Variants in GPR176 observed in about 807,000 individuals in gnomAD.
GPR176 encodes G-protein coupled receptor 176.
In GPR176, 26 loss-of-function variants were observed where a neutral mutation model predicts 35.4. The ratio of observed to expected loss-of-function variants is 0.74; its 90% CI spans 0.54 to 1.02. The LOEUF (loss-of-function observed/expected upper bound fraction) is 1.02. GPR176 is among the 50% of genes least tolerant of loss of function. GPR176 has a pLI of 0.00. For missense variants in GPR176, 597 were observed against 665.3 expected, an observed-to-expected ratio of 0.90 and a Z score of 1.13; for synonymous variants, 278 against 271.3, an observed-to-expected ratio of 1.02 and a Z score of -0.24.
chr15:39,838,603 G>A (rs1027537144), intron 1 of GPR176, among the ~76,000 whole-genome samples: 1 of 152,124 alleles, frequency 6.6e-6, no homozygotes, highest in African/African-American at 2.4e-5. Context: ...CTCAATAGAT[G>A]CAGAAAAGGC....
At chr15:39,883,113 A>C (rs1352056045) in intron 1 of GPR176, among the ~76,000 whole-genome samples, 1 of 152,230 alleles carries the variant, frequency 6.6e-6, no homozygotes, top group Non-Finnish European at 1.5e-5. Flanking sequence ...TCTGATTTTC[A>C]GGTGGAAATC....
intron 1 of GPR176, among the ~76,000 whole-genome samples, chr15:39,832,376 T>C (rs1595461266): frequency 6.6e-6 from 1 of 152,162 alleles, no homozygotes; most frequent in Non-Finnish European, 1.5e-5. Flanking sequence ...ATTGCTGCTG[T>C]AACAAATTAC....
At chr15:39,914,592 G>T (rs368107398) in intron 1 of GPR176, among the ~76,000 whole-genome samples, 6 of 152,120 alleles carry the variant, frequency 3.9e-5, no homozygotes, top group African/African-American at 1.2e-4. Context: ...TTACAGGCAT[G>T]AGCCACCACA....
intron 1 of GPR176, among the ~76,000 whole-genome samples, chr15:39,911,217 T>C (rs1250733531): frequency 2.0e-5 from 3 of 152,182 alleles, no homozygotes; most frequent in African/African-American, 7.2e-5. Flanking sequence ...ACAGGTTTCA[T>C]GCTTTGCCCC....
chr15:39,879,887 G>A (rs978727920), intron 1 of GPR176, among the ~76,000 whole-genome samples: 3 of 152,050 alleles, frequency 2.0e-5, no homozygotes, highest in African/African-American at 7.2e-5. Context: ...CAGCCTCCAG[G>A]TAACTCCTTC....
At chr15:39,904,387 T>A (rs2033364617) in intron 1 of GPR176, among the ~76,000 whole-genome samples, 1 of 152,124 alleles carries the variant, frequency 6.6e-6, no homozygotes, top group Admixed American at 6.6e-5. Context: ...ATAATAGATA[T>A]AAAGTAAGAT....
At chr15:39,809,519 A>G (rs1451288525) in intron 1 of GPR176, among the ~76,000 whole-genome samples, 1 of 152,204 alleles carries the variant, frequency 6.6e-6, no homozygotes, top group Admixed American at 6.5e-5. Context: ...AGGATAACTC[A>G]TTATATATTT....
intron 1 of GPR176, among the ~76,000 whole-genome samples, chr15:39,864,595 AGG>A (rs2031748999): frequency 6.6e-6 from 1 of 152,190 alleles, no homozygotes; most frequent in Non-Finnish European, 1.5e-5. Flanking sequence ...AACTTAAAAA[AGG>A]AAACCTAGGA....
chr15:39,874,043 G>A (rs567609624), intron 1 of GPR176, among the ~76,000 whole-genome samples: 2 of 152,258 alleles, frequency 1.3e-5, no homozygotes, highest in Non-Finnish European at 2.9e-5. Flanking sequence ...TGTATTGCAC[G>A]AAGGTTAGGT....
chr15:39,837,931 T>G (rs1382249309), intron 1 of GPR176, among the ~76,000 whole-genome samples: 3 of 146,746 alleles, frequency 2.0e-5, no homozygotes, highest in African/African-American at 7.5e-5. Context: ...GGGAGGAGGA[T>G]AGTTTGAGGC....
intron 1 of GPR176, among the ~76,000 whole-genome samples, chr15:39,917,749 G>A (rs2033764431): frequency 6.6e-6 from 1 of 151,826 alleles, no homozygotes; most frequent in South Asian, 2.1e-4. Flanking sequence ...ACGTGGAAGG[G>A]GTAATAGAAG....
rs1442177304 is a variant in GPR176 at position 39,801,538 on chromosome 15, A to AGCAGATCTTT, written c.1141_1142insAAAGATCTGC (p.Phe381Ter). 2 of 1,614,046 alleles carry AGCAGATCTTT rather than the reference A, an allele frequency of 1.2e-6. No homozygotes were observed. The highest frequency in any genetic ancestry group is 2.7e-5 in the African/African-American group (2 of 74,916). On this transcript the variant is annotated stop_gained and frameshift_variant, in exon 3 of 3. Transcript: ENST00000561100. LOFTEE classifies it high-confidence loss of function. Reference sequence around the variant, plus strand: ...CTCTTCCTCATCCTCTGTGGGCTTAAAGATCTGCTGCTGCCCAATGTGGAA... The same window carrying AGCAGATCTTT: ...CTCTTCCTCATCCTCTGTGGGCTTAAGCAGATCTTTAGATCTGCTGCTGCCCAATGTGGAA...
rs867844110 is a variant in GPR176 at position 39,835,990 on chromosome 15, G to C, written c.173-28732C>G. On this transcript the variant is annotated intron_variant, in intron 1 of 2. Coordinates refer to ENST00000561100, the MANE Select transcript of GPR176 (RefSeq NM_007223.3). ...CATGCCTGTAATCCCAGCTACTCAG[G>C]AGGCTGAGGCACAAGAATTGCTTAA... 1.1e-4 allele frequency among the ~76,000 whole-genome samples: 16 copies of C among 152,332 alleles called. 1 individual carries two copies. The South Asian group carries it at 3.3e-3, about 32-fold the overall frequency.
At chr15:39,913,035 G>A (rs2033620925) in intron 1 of GPR176, among the ~76,000 whole-genome samples, 1 of 152,122 alleles carries the variant, frequency 6.6e-6, no homozygotes, top group South Asian at 2.1e-4. Context: ...ATTCATAATT[G>A]CCAAAAAGTA....
chr15:39,800,889 C>G lies in GPR176; in HGVS notation c.*243G>C. 1 of 442,154 alleles carries G rather than the reference C, an allele frequency of 2.3e-6. No individual in the cohort carries two copies. The highest frequency in any genetic ancestry group is 4.6e-5 in the East Asian group (1 of 21,684). The allele number at this position is 442,154 out of a possible 1,614,324, so 27.4% of individuals were successfully genotyped here. A position where few individuals can be genotyped will look rare whatever the true frequency, so the allele number is the denominator to read the frequency against. On this transcript the variant is annotated 3_prime_UTR_variant, in exon 3 of 3. Transcript: ENST00000561100. ...CAAAACTGCCCAGCTCTTGTCCCCA[C>G]AGAGAATAATGTGGACTTCACTAAG...
chr15:39,863,441 T>G (rs1288114030), intron 1 of GPR176, among the ~76,000 whole-genome samples: 2 of 152,018 alleles, frequency 1.3e-5, no homozygotes, highest in African/African-American at 2.4e-5. Context: ...ACAATGTGTT[T>G]TAAGCTAAGT....
chr15:39,854,370 G>C (rs1269553808), intron 1 of GPR176, among the ~76,000 whole-genome samples: 2 of 151,982 alleles, frequency 1.3e-5, no homozygotes, highest in African/African-American at 4.8e-5. Context: ...TGGTGTCCAG[G>C]GCCTCTCTAA....
At chr15:39,913,759 C>T (rs1022261858) in intron 1 of GPR176, among the ~76,000 whole-genome samples, 10 of 152,072 alleles carry the variant, frequency 6.6e-5, no homozygotes, top group South Asian at 2.1e-4. Context: ...AAAAAACCAT[C>T]GAGTTGGCCG....
chr15:39,886,598 C>A (rs919688771), intron 1 of GPR176, among the ~76,000 whole-genome samples: 11 of 152,122 alleles, frequency 7.2e-5, no homozygotes, highest in Non-Finnish European at 1.3e-4. Context: ...ACTTGGCACA[C>A]GAATACTAAT....
Sources: allele counts gnomAD v4.1 joint callset (sites outside exome capture counted in the v4.1 genomes callset), GRCh38; gene constraint gnomAD v4.1.1; transcripts MANE v1.5; gene names NCBI Gene and HGNC (gene_info 2026-07-23, HGNC 2026-07-21).